SNX32: variants seen among roughly 807,000 people sequenced by gnomAD.
SNX32 encodes the protein sorting nexin 32.
In SNX32, 58 loss-of-function variants were observed where a neutral mutation model predicts 57.0. That is an observed-to-expected ratio of 1.02 (90% CI 0.82 to 1.27). SNX32 has a LOEUF of 1.27. Ranked by LOEUF, SNX32 falls within the 50% of genes most tolerant of loss-of-function variation. The pLI is 0.00. For missense variants in SNX32, 589 were observed against 541.2 expected (o/e 1.09, Z -0.88); for synonymous variants, 262 against 220.4 (o/e 1.19, Z -1.67).
At position 65,853,345 on chromosome 11, in the gene SNX32, A is replaced by G; in HGVS notation, c.*10A>G. The G allele has an allele frequency of 6.2e-7, 1 of 1,613,896 alleles. No individual in the cohort carries two copies. The highest frequency in any genetic ancestry group is 1.6e-4 in the Middle Eastern group (1 of 6,062). On this transcript the variant is annotated 3_prime_UTR_variant, in exon 13 of 13. Transcript: ENST00000308342. ...AAAGGGGGAGCCTTAGAGTAGCCAG[A>G]GCTCAGCCAGACCCTAATCTGGGAT...
At chr11:65,850,658 C>T in intron 5 of SNX32, 93 bp from the exon 6 acceptor site, 2 of 1,568,022 alleles carry the variant, frequency 1.3e-6, no homozygotes, top group Non-Finnish European at 1.7e-6. Flanking sequence ...CAAGTGGGCC[C>T]AATCCTGTGT....
chr11:65,836,115 G>C (rs1399719709), intron 1 of SNX32, among the ~76,000 whole-genome samples: 1 of 152,046 alleles, frequency 6.6e-6, no homozygotes, highest in Admixed American at 6.5e-5. Context: ...GCCTTTGCAG[G>C]AGCCATACTC....
intron 7 of SNX32, 51 bp downstream of exon 7, chr11:65,851,211 T>C (rs1326302741): frequency 6.3e-7 from 1 of 1,598,242 alleles, no homozygotes; most frequent in Non-Finnish European, 8.6e-7. Context: ...TCCCCAGCGG[T>C]TCAACTCCTT....
chr11:65,834,611 CTG>C (rs1009238258), intron 1 of SNX32, among the ~76,000 whole-genome samples: 1 of 138,846 alleles, frequency 7.2e-6, no homozygotes, highest in South Asian at 2.3e-4. Flanking sequence ...CTGTGTCTGT[CTG>C]TGTGTATGGT....
At chr11:65,849,450 C>G in intron 1 of SNX32, 28 bp from the exon 2 acceptor site, 1 of 1,564,384 alleles carries the variant, frequency 6.4e-7, no homozygotes, top group South Asian at 1.2e-5. Flanking sequence ...CATGCTCAGC[C>G]AGGCCAGAGA....
chr11:65,837,925 G>A (rs1022868685), intron 1 of SNX32, among the ~76,000 whole-genome samples: 5 of 151,860 alleles, frequency 3.3e-5, no homozygotes, highest in African/African-American at 1.2e-4. Context: ...AGAGGCCAAG[G>A]TGGGTAGATC....
intron 1 of SNX32, among the ~76,000 whole-genome samples, chr11:65,834,581 G>A (rs575078280): frequency 2.0e-5 from 3 of 148,946 alleles, no homozygotes; most frequent in African/African-American, 7.4e-5. Flanking sequence ...TCTGTGTATG[G>A]TCTGCGTGTG....
rs1440599280 is a variant in SNX32 at position 65,852,640 on chromosome 11, A to T, written c.923A>T (p.Tyr308Phe). The T allele has an allele frequency of 6.2e-7, 1 of 1,608,746 alleles. No individual in the cohort carries two copies. ...TGCCCATGGTCCTAGGACCTGCTGT[A>T]CCGGCGGCTGCGGGCACTGGCCGAC... ...RDSQAAKDLLYRRLRALADYE... is the reference protein window; with the variant it reads ...RDSQAAKDLLFRRLRALADYE... The change falls in exon 11 of 13, where the codon TAC (tyrosine) becomes TTC (phenylalanine). Residue 308 changes from tyrosine to phenylalanine, a missense_variant. Tyr to Phe is a conservative substitution (Grantham distance 22, BLOSUM62 3). Coordinates refer to ENST00000308342, the MANE Select transcript of SNX32 (RefSeq NM_152760.3).
intron 1 of SNX32, among the ~76,000 whole-genome samples, chr11:65,837,544 G>C (rs542269926): frequency 1.3e-3 from 193 of 152,150 alleles, no homozygotes; most frequent in African/African-American, 4.6e-3. Flanking sequence ...AAAGGGCCAG[G>C]CACAGTGGCT....
chr11:65,843,170 G>A lies in SNX32; in HGVS notation c.37-6308G>A, dbSNP rs1212541287. On this transcript the variant is annotated intron_variant, in intron 1 of 12. Coordinates refer to ENST00000308342, the MANE Select transcript of SNX32 (RefSeq NM_152760.3). ...CAGGAGGTGGAGCTTGCAGTGAGCC[G>A]AGATTGCGCCAGTGCACTCCAGCCT... is the stretch of plus-strand genomic sequence containing the variant. 8.2e-5 allele frequency among the ~76,000 whole-genome samples: 12 copies of A among 146,358 alleles called. 1 individual carries two copies. The South Asian group carries it at 2.0e-3, about 24-fold the overall frequency.
At chr11:65,851,762 G>C in intron 9 of SNX32, 83 bp downstream of exon 9, 1 of 1,489,096 alleles carries the variant, frequency 6.7e-7, no homozygotes, top group Non-Finnish European at 9.3e-7. Flanking sequence ...AGAGCTCCAG[G>C]ATCATCTTGG....
At chr11:65,839,378 C>T (rs1304289378) in intron 1 of SNX32, among the ~76,000 whole-genome samples, 4 of 146,676 alleles carry the variant, frequency 2.7e-5, no homozygotes, top group East Asian at 2.1e-4. Context: ...TACAGGCGCC[C>T]GCCACTACGC....
At chr11:65,834,994 T>C (rs921400069) in intron 1 of SNX32, among the ~76,000 whole-genome samples, 8 of 150,252 alleles carry the variant, frequency 5.3e-5, no homozygotes, top group African/African-American at 2.0e-4. Flanking sequence ...TGTGTGTGTC[T>C]GTGTGTGTGT....
intron 1 of SNX32, among the ~76,000 whole-genome samples, chr11:65,834,570 G>A (rs892135848): frequency 2.0e-5 from 3 of 151,234 alleles, no homozygotes; most frequent in Non-Finnish European, 4.4e-5. Flanking sequence ...GTGTGTCTGT[G>A]TCTGTGTATG....
At chr11:65,834,238 G>A in intron 1 of SNX32, 137 bp downstream of exon 1, 1 of 994,446 alleles carries the variant, frequency 1.0e-6, no homozygotes, top group Non-Finnish European at 1.5e-6. Context: ...GTCTGTGTGT[G>A]TATAGTCTGC....
In SNX32 at chr11:65,849,926, C is replaced by T. The variant is rs2134698242; in HGVS notation, c.148C>T (p.Leu50Phe). Reference protein sequence around the residue: ...VKFTVQTKSCLPHFAQTEFSV... With the variant: ...VKFTVQTKSCFPHFAQTEFSV... ...TTGGCCTTCCCGCTTCCAGAGCTGC[C>T]TCCCTCACTTCGCCCAGACCGAGTT... The change falls in exon 3 of 13, where the codon CTC (leucine) becomes TTC (phenylalanine). Residue 50 changes from leucine (L) to phenylalanine (F), a missense_variant. Transcript: ENST00000308342. The T allele has an allele frequency of 6.4e-7, 1 of 1,567,878 alleles. No individual in the cohort carries two copies. Among genetic ancestry groups the T allele is most frequent in the Non-Finnish European group, 8.7e-7 (1 of 1,153,346 alleles).
rs1239641974 is a variant in SNX32, at chr11:65,853,534, C to G, written c.*199C>G. 3.3e-6 allele frequency: 2 copies of G among 609,782 alleles called. No individual in the cohort carries two copies. Among genetic ancestry groups the G allele is most frequent in the East Asian group, 2.8e-5 (1 of 36,116 alleles). The allele number at this position is 609,782 out of a possible 1,614,324, so 37.8% of individuals were successfully genotyped here. ...CCAGGCCCTGCAAGACACAGGGCAG[C>G]ATGGGCATCATAACTGGCCACAGTC... On this transcript the variant is annotated 3_prime_UTR_variant, in exon 13 of 13. Transcript: ENST00000308342.
chr11:65,852,859 C>T lies in SNX32; in HGVS notation c.1073-14C>T. ...CCCTGCCCGGATCCCCATGCCTCTT[C>T]CCCTCCTCTCCAGAGCTCATGGACT... On this transcript the variant is annotated splice_polypyrimidine_tract_variant and intron_variant, in intron 11 of 12. Transcript: ENST00000308342. 1 of 1,614,064 alleles carries T rather than the reference C, an allele frequency of 6.2e-7. No individual in the cohort carries two copies. The highest frequency in any genetic ancestry group is 1.3e-5 in the African/African-American group (1 of 75,066).
At chr11:65,852,259 G>C (rs533803396) in intron 9 of SNX32, among the ~76,000 whole-genome samples, 2 of 151,962 alleles carry the variant, frequency 1.3e-5, no homozygotes, top group South Asian at 4.2e-4. Context: ...AGCGCCCTCT[G>C]TCCAGCTCTT....
Sources: gnomAD v4.1 joint callset for allele counts (sites outside exome capture counted in the v4.1 genomes callset) on GRCh38, gnomAD v4.1.1 for gene constraint, MANE v1.5 for transcripts, NCBI Gene and HGNC (gene_info 2026-07-23, HGNC 2026-07-21) for gene names.